The following PEAK1 variants were observed in gnomAD, a reference collection of about 807,000 sequenced individuals.
The protein encoded by PEAK1 is inactive tyrosine-protein kinase PEAK1.
PEAK1 carries 54 observed loss-of-function variants against 124.7 expected under a neutral mutation model. The observed-to-expected ratio is 0.43, with a 90% CI of 0.35 to 0.54. The LOEUF (loss-of-function observed/expected upper bound fraction) is 0.54. PEAK1 is among the 20% of genes least tolerant of loss of function. PEAK1 has a pLI of 0.01. For missense variants in PEAK1, 2,046 were observed against 2,134.5 expected (o/e 0.96, Z 0.82); for synonymous variants, 719 against 760.0 (o/e 0.95, Z 0.89).
At chr15:77,141,357 T>C (rs1340040568) in intron 8 of PEAK1, among the ~76,000 whole-genome samples, 1 of 152,198 alleles carries the variant, frequency 6.6e-6, no homozygotes, top group African/African-American at 2.4e-5. Flanking sequence ...GACTTGTACT[T>C]TGAAAACTAT....
intron 2 of PEAK1, among the ~76,000 whole-genome samples, chr15:77,302,046 G>T (rs2063815478): frequency 6.6e-6 from 1 of 151,116 alleles, no homozygotes; most frequent in African/African-American, 2.5e-5. Context: ...GTTGTGTCTT[G>T]TTTTGTTTTT....
chr15:77,403,221 G>C (rs1403123317), intron 1 of PEAK1: 9 of 985,208 alleles, frequency 9.1e-6, no homozygotes, highest in Non-Finnish European at 1.1e-5. Flanking sequence ...TGCTGATTGG[G>C]TATGGTGAAA....
At chr15:77,336,531 A>G in intron 2 of PEAK1, 6 of 985,446 alleles carry the variant, frequency 6.1e-6, no homozygotes, top group South Asian at 4.7e-5. Context: ...CTTGTTGCCC[A>G]CATGAAATAT....
At chr15:77,291,976 CAAAAA>C (rs34817180) in intron 2 of PEAK1, among the ~76,000 whole-genome samples, 3 of 107,626 alleles carry the variant, frequency 2.8e-5, no homozygotes, top group African/African-American at 3.6e-5. Flanking sequence ...GACTCCGTCT[CAAAAA>C]AAAAAAAAAA....
chr15:77,414,944 TCAAC>T (rs1475097073), intron 1 of PEAK1, among the ~76,000 whole-genome samples: 2 of 152,216 alleles, frequency 1.3e-5, no homozygotes, highest in Non-Finnish European at 2.9e-5. Context: ...ATTAATTCCC[TCAAC>T]CAACTGTCCT....
rs1463398509 is a variant in PEAK1 at position 77,109,104 on chromosome 15, A to G, written c.*5052T>C. 6.6e-6 allele frequency: 1 copy of G among 152,220 alleles called. No individual in the cohort carries two copies. The highest frequency in any genetic ancestry group is 1.9e-4 in the East Asian group (1 of 5,200). 9.4% of individuals were successfully genotyped at this position (152,220 alleles called of 1,614,324 possible). On this transcript the variant is annotated 3_prime_UTR_variant, in exon 10 of 10. Coordinates refer to ENST00000682557, the MANE Select transcript of PEAK1 (RefSeq NM_001385026.1). ...ACAACTCTGTAGGAAGGTTTATAAAAACAATTACAATTTGTTAAGAAATTT... is the reference window on the plus strand; with the variant it reads ...ACAACTCTGTAGGAAGGTTTATAAAGACAATTACAATTTGTTAAGAAATTT...
At chr15:77,379,857 C>T (rs1190278068) in intron 1 of PEAK1, among the ~76,000 whole-genome samples, 1 of 152,160 alleles carries the variant, frequency 6.6e-6, no homozygotes, top group East Asian at 1.9e-4. Flanking sequence ...ATATACAGAT[C>T]TATGAATTCA....
At chr15:77,276,421 G>A (rs2062330554) in intron 5 of PEAK1, among the ~76,000 whole-genome samples, 2 of 152,166 alleles carry the variant, frequency 1.3e-5, no homozygotes, top group Non-Finnish European at 2.9e-5. Flanking sequence ...ACGGAAGCCA[G>A]AAGGAACTGG....
At chr15:77,230,051 T>C (rs1003184462) in intron 6 of PEAK1, among the ~76,000 whole-genome samples, 1 of 152,134 alleles carries the variant, frequency 6.6e-6, no homozygotes, top group Admixed American at 6.6e-5. Flanking sequence ...AAGACACCAT[T>C]CTCAAAGAGA....
chr15:77,184,012 T>G (rs1229360573), intron 6 of PEAK1, among the ~76,000 whole-genome samples: 1 of 151,880 alleles, frequency 6.6e-6, no homozygotes, highest in African/African-American at 2.4e-5. Context: ...ATTTTTTTTA[T>G]AGAGATGGGG....
chr15:77,385,189 A>G (rs2069823752), intron 1 of PEAK1, among the ~76,000 whole-genome samples: 1 of 152,192 alleles, frequency 6.6e-6, no homozygotes, highest in Admixed American at 6.5e-5. Context: ...AATAAGTATA[A>G]CACCATCATA....
At chr15:77,221,949 T>C (rs1384547021) in intron 6 of PEAK1, among the ~76,000 whole-genome samples, 1 of 152,068 alleles carries the variant, frequency 6.6e-6, no homozygotes, top group Non-Finnish European at 1.5e-5. Flanking sequence ...TTCTCCTCTA[T>C]ACTATACTCA....
rs377364755 is a variant in PEAK1 at position 77,271,463 on chromosome 15, A to G, written c.-275+12420T>C. Among the ~76,000 whole-genome samples, 83 of 152,302 alleles carry G rather than the reference A, an allele frequency of 5.4e-4. 3 individuals carry two copies. The South Asian group carries it at 0.017, about 30-fold the overall frequency. On this transcript the variant is annotated intron_variant, in intron 5 of 9. Coordinates refer to ENST00000682557, the MANE Select transcript of PEAK1 (RefSeq NM_001385026.1). ...CCAAAGGATTATAAATCATGCTGCT[A>G]TAAAGACACATGCATATGTATGCTT...
At chr15:77,406,933 C>T (rs1026116891) in intron 1 of PEAK1, among the ~76,000 whole-genome samples, 1 of 152,078 alleles carries the variant, frequency 6.6e-6, no homozygotes, top group Non-Finnish European at 1.5e-5. Flanking sequence ...GGCACGTAGA[C>T]CAATTTGAAC....
intron 2 of PEAK1, among the ~76,000 whole-genome samples, chr15:77,327,759 A>T (rs900959792): frequency 3.3e-5 from 5 of 152,116 alleles, no homozygotes; most frequent in Admixed American, 6.6e-5. Context: ...ATATAATTAG[A>T]ATCATTACAA....
At chr15:77,322,348 T>C (rs2065274112) in intron 2 of PEAK1, among the ~76,000 whole-genome samples, 1 of 152,152 alleles carries the variant, frequency 6.6e-6, no homozygotes. Flanking sequence ...GAGCTGGTTT[T>C]TTGAAAGGAT....
chr15:77,188,378 C>T (rs774671321), intron 6 of PEAK1, among the ~76,000 whole-genome samples: 7 of 152,140 alleles, frequency 4.6e-5, no homozygotes, highest in East Asian at 1.9e-4. Flanking sequence ...AAAGCAGCAC[C>T]GCTCAGTTCC....
chr15:77,335,466 T>C (rs1206378431), intron 2 of PEAK1: 2 of 985,298 alleles, frequency 2.0e-6, no homozygotes, highest in Admixed American at 6.1e-5. Flanking sequence ...CTTATCACTA[T>C]ACATCACGTT....
chr15:77,412,627 T>C (rs1048655416), intron 1 of PEAK1, among the ~76,000 whole-genome samples: 1 of 152,206 alleles, frequency 6.6e-6, no homozygotes, highest in East Asian at 1.9e-4. Context: ...TATACATACA[T>C]GCATTTCCTA....
Sources: allele counts gnomAD v4.1 joint callset (sites outside exome capture counted in the v4.1 genomes callset), GRCh38; gene constraint gnomAD v4.1.1; transcripts MANE v1.5; gene names NCBI Gene and HGNC (gene_info 2026-07-23, HGNC 2026-07-21).